The following RYR3 variants were observed in gnomAD, a reference collection of about 807,000 sequenced individuals.
RYR3 encodes brain ryanodine receptor-calcium release channel.
RYR3 carries 207 observed loss-of-function variants against 584.3 expected under a neutral mutation model. The observed-to-expected ratio is 0.35, with a 90% CI of 0.32 to 0.40. RYR3 has a LOEUF of 0.40. Among genes scored for constraint, RYR3 ranks in the 10% least tolerant of loss-of-function variants. The pLI is 1.00. For synonymous variants in RYR3, 2,416 were observed against 2,248.5 expected (o/e 1.07, Z -2.11); for missense variants, 5,616 against 6,089.2 (o/e 0.92, Z 2.59).
intron 1 of RYR3, among the ~76,000 whole-genome samples, chr15:33,469,791 A>G (rs2048782791): frequency 6.6e-6 from 1 of 152,190 alleles, no homozygotes; most frequent in Non-Finnish European, 1.5e-5. Flanking sequence ...CTGAAGAATG[A>G]ATGAGATTGC....
At chr15:33,388,856 A>G (rs2041808186) in intron 1 of RYR3, among the ~76,000 whole-genome samples, 1 of 152,104 alleles carries the variant, frequency 6.6e-6, no homozygotes, top group Non-Finnish European at 1.5e-5. Context: ...CCTGAAGGGG[A>G]AGATGAGGGC....
chr15:33,642,765 A>G (rs190060521), intron 27 of RYR3, among the ~76,000 whole-genome samples: 50 of 152,344 alleles, frequency 3.3e-4, no homozygotes, highest in Middle Eastern at 3.4e-3. Context: ...TGTTACATGC[A>G]CAGGTGCTTG....
intron 8 of RYR3, among the ~76,000 whole-genome samples, chr15:33,547,749 T>C (rs997032466): frequency 6.6e-6 from 1 of 152,186 alleles, no homozygotes; most frequent in African/African-American, 2.4e-5. Flanking sequence ...TTTAAAGATA[T>C]AATAAAACTA....
At chr15:33,864,904 G>A (rs1485532550) in intron 103 of RYR3, 5 of 497,040 alleles carry the variant, frequency 1.0e-5, no homozygotes, top group African/African-American at 1.9e-5. Context: ...GCTTGTTTGG[G>A]GCAGAGGGGG....
chr15:33,388,502 C>T (rs1036964162), intron 1 of RYR3, among the ~76,000 whole-genome samples: 1 of 152,062 alleles, frequency 6.6e-6, no homozygotes, highest in Non-Finnish European at 1.5e-5. Flanking sequence ...AAAAGCGATT[C>T]TATAGGTACA....
intron 32 of RYR3, 54 bp from the exon 33 acceptor site, chr15:33,659,666 G>C: frequency 8.6e-7 from 1 of 1,165,786 alleles, no homozygotes; most frequent in East Asian, 2.3e-5. Context: ...GGCTGAGCCA[G>C]CTGTGTTGTT....
At chr15:33,513,530 C>T (rs2053224135) in intron 3 of RYR3, among the ~76,000 whole-genome samples, 2 of 152,224 alleles carry the variant, frequency 1.3e-5, no homozygotes, top group Admixed American at 6.5e-5. Flanking sequence ...TTCTGCTCTG[C>T]AGAGGGCTGA....
intron 38 of RYR3, among the ~76,000 whole-genome samples, chr15:33,678,089 C>T (rs2064308800): frequency 6.6e-6 from 1 of 152,164 alleles, no homozygotes. Context: ...CCTGTCTTGT[C>T]AGTTTTTACA....
intron 1 of RYR3, chr15:33,473,206 C>T: frequency 1.4e-6 from 1 of 691,690 alleles, no homozygotes. Context: ...ACTGACCTCA[C>T]TCCAGGATTA....
intron 1 of RYR3, among the ~76,000 whole-genome samples, chr15:33,313,689 A>G (rs1192031696): frequency 6.6e-6 from 1 of 152,162 alleles, no homozygotes; most frequent in Admixed American, 6.5e-5. Context: ...GTCATATATA[A>G]TGCTTCCTCA....
intron 3 of RYR3, among the ~76,000 whole-genome samples, chr15:33,516,838 A>G (rs549702828): frequency 6.6e-6 from 1 of 152,184 alleles, no homozygotes; most frequent in South Asian, 2.1e-4. Flanking sequence ...GAGACCTTGC[A>G]CAGCATTCTC....
intron 39 of RYR3, among the ~76,000 whole-genome samples, chr15:33,697,005 A>G (rs2065902075): frequency 6.6e-6 from 1 of 152,200 alleles, no homozygotes; most frequent in Non-Finnish European, 1.5e-5. Flanking sequence ...TTAGACATCA[A>G]AAGGGTTTCC....
intron 1 of RYR3, among the ~76,000 whole-genome samples, chr15:33,410,234 A>G (rs528668588): frequency 2.6e-5 from 4 of 152,296 alleles, no homozygotes; most frequent in Admixed American, 1.3e-4. Flanking sequence ...CTGCTAGCTC[A>G]TCACCCTCAG....
intron 1 of RYR3, among the ~76,000 whole-genome samples, chr15:33,407,603 A>G (rs1245130056): frequency 6.6e-6 from 1 of 152,198 alleles, no homozygotes; most frequent in Non-Finnish European, 1.5e-5. Flanking sequence ...GTGACATGCC[A>G]TTTCATCCAG....
At chr15:33,556,840 C>A (rs2057098614) in intron 10 of RYR3, among the ~76,000 whole-genome samples, 1 of 152,104 alleles carries the variant, frequency 6.6e-6, no homozygotes, top group African/African-American at 2.4e-5. Flanking sequence ...CCCTAACTCC[C>A]CGGTAGAGTT....
At chr15:33,675,007 A>G (rs772308645) in intron 38 of RYR3, among the ~76,000 whole-genome samples, 10 of 152,184 alleles carry the variant, frequency 6.6e-5, no homozygotes, top group Non-Finnish European at 1.5e-4. Context: ...AAGCAGGAGA[A>G]TGGGGTGAAC....
chr15:33,729,102 T>C, intron 47 of RYR3, 76 bp downstream of exon 47: 1 of 1,274,898 alleles, frequency 7.8e-7, no homozygotes, highest in South Asian at 1.4e-5. Flanking sequence ...GAAGCAAATA[T>C]TTTCTCTTTA....
chr15:33,316,339 T>A (rs1371039908), intron 1 of RYR3, among the ~76,000 whole-genome samples: 1 of 152,206 alleles, frequency 6.6e-6, no homozygotes, highest in Non-Finnish European at 1.5e-5. Flanking sequence ...AGCCATCAAC[T>A]CCATCATCTT....
rs550973591 is a variant in RYR3, at chr15:33,684,725, G to A, written c.5861-11493G>A. On this transcript the variant is annotated intron_variant, in intron 38 of 103. Transcript: ENST00000634891. ...AGAAAGGTTGCGTTACCCACAAAGG[G>A]AAGCCCATTAGACTAACAATGGATC... 2.0e-5 allele frequency among the ~76,000 whole-genome samples: 3 copies of A among 152,194 alleles called. No individual in the cohort carries two copies. In the South Asian group the frequency reaches 6.2e-4, roughly 32 times the overall value.
Sources: allele counts gnomAD v4.1 joint callset (sites outside exome capture counted in the v4.1 genomes callset), GRCh38; gene constraint gnomAD v4.1.1; transcripts MANE v1.5; gene names NCBI Gene and HGNC (gene_info 2026-07-23, HGNC 2026-07-21).